Variants in ZNF347 observed in about 807,000 individuals in gnomAD.
The protein encoded by ZNF347 is zinc finger protein 347.
ZNF347 carries 19 observed loss-of-function variants against 12.9 expected under a neutral mutation model. The ratio of observed to expected loss-of-function variants is 1.47; its 90% CI spans 1.03 to 2.16. The LOEUF is 2.16. Ranked by LOEUF, ZNF347 falls within the 30% of genes most tolerant of loss-of-function variation. The pLI is 0.00. For missense variants in ZNF347, 1,005 were observed against 990.6 expected (o/e 1.01, Z -0.19); for synonymous variants, 328 against 340.6 (o/e 0.96, Z 0.41).
At chr19:53,143,179 T>C (rs906431564) in intron 4 of ZNF347, among the ~76,000 whole-genome samples, 14 of 152,240 alleles carry the variant, frequency 9.2e-5, no homozygotes, top group African/African-American at 2.2e-4. Flanking sequence ...TTAGTTGATA[T>C]TGATTTGAGA....
At chr19:53,150,987 G>A (rs144982234) in intron 2 of ZNF347, among the ~76,000 whole-genome samples, 3,732 of 152,256 alleles carry the variant, frequency 0.025, 69 homozygotes, top group Admixed American at 0.044. Flanking sequence ...TGATCCACCC[G>A]CCTTGGCCTC....
intron 1 of ZNF347, among the ~76,000 whole-genome samples, chr19:53,156,054 G>GA (rs2090533180): frequency 8.7e-6 from 1 of 114,706 alleles, no homozygotes; most frequent in African/African-American, 3.1e-5. Flanking sequence ...TCGGGGGGGG[G>GA]GGGGGGTTAG....
chr19:53,149,411 T>G (rs746499103), intron 2 of ZNF347, 44 bp from the exon 3 acceptor site: 1 of 1,611,032 alleles, frequency 6.2e-7, no homozygotes, highest in Non-Finnish European at 8.5e-7. Context: ...AAGGAAAAGC[T>G]CCAATCTTCA....
chr19:53,138,858 C>T lies in ZNF347; in HGVS notation c.*1450G>A, dbSNP rs1310771346. ...CAAAACATTATGTCTGTGACACATT[C>T]TTAATAAAACTGTAGCAAAATGTAA... On this transcript the variant is annotated 3_prime_UTR_variant, in exon 5 of 5. Coordinates refer to ENST00000334197, the MANE Select transcript of ZNF347 (RefSeq NM_032584.3). 6.6e-6 allele frequency: 1 copy of T among 152,044 alleles called. No individual in the cohort carries two copies. Among genetic ancestry groups the T allele is most frequent in the Non-Finnish European group, 1.5e-5 (1 of 68,006 alleles). 9.4% of individuals were successfully genotyped at this position (152,044 alleles called of 1,614,324 possible).
chr19:53,141,129 T>G lies in ZNF347; in HGVS notation c.1699A>C (p.Lys567Gln), dbSNP rs762079938. The G allele has an allele frequency of 6.2e-7, 1 of 1,614,178 alleles. No homozygotes were observed. The highest frequency in any genetic ancestry group is 8.5e-7 in the Non-Finnish European group (1 of 1,180,032). The part of the protein sequence containing the change: ...TTHQVIHTGE[K>Q]PYKCNECGKV... ...CCACACTCATTACATTTGTAAGGTT[T>G]TTCTCCAGTATGGATGACCTGATGG... is the stretch of plus-strand genomic sequence containing the variant. The change falls in exon 5 of 5, where the codon AAA becomes CAA. Residue 567 changes from lysine (K) to glutamine (Q), a missense_variant. Physicochemically the swap from Lys to Gln is moderately conservative, Grantham distance 53. Transcript: ENST00000334197.
chr19:53,141,442 G>A lies in ZNF347; in HGVS notation c.1386C>T (p.Cys462=), dbSNP rs201067829. ...TGEKPYKCHE[C]GKVFRRNSHL... ...GTGAATTACGCCTAAAGACCTTGCC[G>A]CATTCATGACATTTGTAAGGCTTTT... Residue 462 remains cysteine, a synonymous_variant, in exon 5 of 5, where the codon TGC becomes TGT. Transcript: ENST00000334197. 705 of 1,612,236 alleles carry A rather than the reference G, an allele frequency of 4.4e-4. 2 individuals are homozygous for A. Among genetic ancestry groups the A allele is most frequent in the Admixed American group, 1.1e-3 (66 of 59,862 alleles).
chr19:53,155,868 G>A (rs1451440951), intron 1 of ZNF347, among the ~76,000 whole-genome samples: 2 of 152,118 alleles, frequency 1.3e-5, no homozygotes, highest in Admixed American at 6.5e-5. Flanking sequence ...AGAGATCACA[G>A]GTCCTGACAG....
chr19:53,140,477 T>C lies in ZNF347; in HGVS notation c.2351A>G (p.Gln784Arg), dbSNP rs201370943. 1 of 1,613,962 alleles carries C rather than the reference T, an allele frequency of 6.2e-7. No individual in the cohort carries two copies. Among genetic ancestry groups the C allele is most frequent in the South Asian group, 1.1e-5 (1 of 91,070 alleles). Reference protein sequence around the residue: ...FSQTSKLARHQRIHTGEKPYE... With the variant: ...FSQTSKLARHRRIHTGEKPYE... Reference sequence around the variant, plus strand: ...TGGTTTCTCTCCGGTATGAATTCTCTGATGCCTTGCAAGTTTTGAAGTTTG... The same window carrying C: ...TGGTTTCTCTCCGGTATGAATTCTCCGATGCCTTGCAAGTTTTGAAGTTTG... Residue 784 changes from glutamine (Q) to arginine (R), a missense_variant, in exon 5 of 5, where the codon CAG (glutamine) becomes CGG (arginine). By Grantham distance (43) the Gln-to-Arg change is conservative. Transcript: ENST00000334197.
In ZNF347 at chr19:53,153,737, G is replaced by A; in HGVS notation, c.11C>T (p.Thr4Ile). Reference sequence around the variant, plus strand: ...CCACTGATAATATTACCTTACCTGGGTGAGAGCCATGCCTGACTTGTCTTT... The same window carrying A: ...CCACTGATAATATTACCTTACCTGGATGAGAGCCATGCCTGACTTGTCTTT... MAL[T>I]QGQVTFRDVA... Residue 4 changes from threonine to isoleucine, a missense_variant, in exon 2 of 5, where the codon ACC becomes ATC. Coordinates refer to ENST00000334197, the MANE Select transcript of ZNF347 (RefSeq NM_032584.3). 1 of 1,614,006 alleles carries A rather than the reference G, an allele frequency of 6.2e-7. No homozygotes were observed. Among genetic ancestry groups the A allele is most frequent in the Middle Eastern group, 1.6e-4 (1 of 6,062 alleles).
rs1555799250 is a variant in ZNF347 at position 53,138,972 on chromosome 19, T to G, written c.*1336A>C. 2 of 152,198 alleles carry G rather than the reference T, an allele frequency of 1.3e-5. No individual in the cohort carries two copies. The allele number at this position is 152,198 out of a possible 1,614,324, so 9.4% of individuals were successfully genotyped here. ...GTTTTTCTGACCAAGCTCTCCACTC[T>G]AATAACTGTTACCTCTTCAATTTCA... is the stretch of plus-strand genomic sequence containing the variant. On this transcript the variant is annotated 3_prime_UTR_variant, in exon 5 of 5. Transcript: ENST00000334197.
chr19:53,140,622 G>GT lies in ZNF347; in HGVS notation c.2205dup (p.Pro736ThrfsTer6), dbSNP rs747329533. On this transcript the variant is annotated frameshift_variant, in exon 5 of 5. Coordinates refer to ENST00000334197, the MANE Select transcript of ZNF347 (RefSeq NM_032584.3). LOFTEE classifies it low-confidence loss of function (END_TRUNC). Reference sequence around the variant, plus strand: ...TTCCCACACTCATTGCATTTGTAAGGTTTTTTTCCAGTATGGATTGCCTGA... The same window carrying GT: ...TTCCCACACTCATTGCATTTGTAAGGTTTTTTTTCCAGTATGGATTGCCTGA... 3 of 1,613,596 alleles carry GT rather than the reference G, an allele frequency of 1.9e-6. No individual in the cohort carries two copies. Among genetic ancestry groups the GT allele is most frequent in the East Asian group, 2.2e-5 (1 of 44,824 alleles).
At chr19:53,150,123 G>A (rs1382027034) in intron 2 of ZNF347, among the ~76,000 whole-genome samples, 1 of 152,210 alleles carries the variant, frequency 6.6e-6, no homozygotes. Flanking sequence ...GAGACCATCT[G>A]TGTTTGCAAC....
Position 53,139,475 on chromosome 19 carries a change from C to G in ZNF347, c.*833G>C, listed in dbSNP as rs2090405685. ...GATCCATAGTTCAGGTTGAAAGTCACAAACAGTAGCCTTTTTGAGAAACCT... is the reference window on the plus strand; with the variant it reads ...GATCCATAGTTCAGGTTGAAAGTCAGAAACAGTAGCCTTTTTGAGAAACCT... On this transcript the variant is annotated 3_prime_UTR_variant, in exon 5 of 5. Coordinates refer to ENST00000334197, the MANE Select transcript of ZNF347 (RefSeq NM_032584.3). The G allele has an allele frequency of 6.6e-6, 1 of 152,180 alleles. No individual in the cohort carries two copies. Among genetic ancestry groups the G allele is most frequent in the African/African-American group, 2.4e-5 (1 of 41,430 alleles). The allele number at this position is 152,180 out of a possible 1,614,324, so 9.4% of individuals were successfully genotyped here.
chr19:53,153,318 T>A (rs2090510760), intron 2 of ZNF347, among the ~76,000 whole-genome samples: 1 of 152,180 alleles, frequency 6.6e-6, no homozygotes, highest in African/African-American at 2.4e-5. Flanking sequence ...TTCCCCTTAT[T>A]AGCCTTATTT....
chr19:53,146,728 G>A (rs187957771), intron 4 of ZNF347, among the ~76,000 whole-genome samples: 159 of 152,106 alleles, frequency 1.0e-3, no homozygotes, highest in African/African-American at 3.7e-3. Flanking sequence ...AGGACCATTA[G>A]GGACAATTAT....
At chr19:53,158,855 C>T (rs1238571280) in intron 1 of ZNF347, 154 bp downstream of exon 1, 1 of 150,460 alleles carries the variant, frequency 6.6e-6, no homozygotes, top group African/African-American at 2.4e-5. Context: ...CGAAATCGCG[C>T]CATTGCACTC....
chr19:53,153,581 G>A, intron 2 of ZNF347, 152 bp downstream of exon 2: 1 of 1,444,572 alleles, frequency 6.9e-7, no homozygotes, highest in South Asian at 1.2e-5. Context: ...TGGAATCTAA[G>A]TGAGATGAGA....
In ZNF347 at chr19:53,140,714, C is replaced by G. The variant is rs780682738; in HGVS notation, c.2114G>C (p.Gly705Ala). 6.2e-7 allele frequency: 1 copy of G among 1,613,400 alleles called. No individual in the cohort carries two copies. The highest frequency in any genetic ancestry group is 2.2e-5 in the East Asian group (1 of 44,874). The change falls in exon 5 of 5, where the codon GGA (glycine) becomes GCA (alanine). Residue 705 changes from glycine (G) to alanine (A), a missense_variant. Transcript: ENST00000334197. Reference sequence around the variant, plus strand: ...CTGATTACACTCATATGGTTTCTCTCCAGTATGAACTCTCTGATGCCTTGC... The same window carrying G: ...CTGATTACACTCATATGGTTTCTCTGCAGTATGAACTCTCTGATGCCTTGC... Reference protein sequence around the residue: ...KLARHQRVHTGEKPYECNQCG... With the variant: ...KLARHQRVHTAEKPYECNQCG...
chr19:53,140,068 T>A lies in ZNF347; in HGVS notation c.*240A>T, dbSNP rs8103167. 1,069 of 429,344 alleles carry A rather than the reference T, an allele frequency of 2.5e-3. 12 individuals are homozygous for A. Among genetic ancestry groups the A allele is most frequent in the African/African-American group, 0.019 (976 of 50,200 alleles). 26.6% of individuals were successfully genotyped at this position (429,344 alleles called of 1,614,324 possible). ...GGCGCACGCCACCAGGCCTAGCTAA[T>A]TGTGTACTTTTAGTAGAAATGGGGT... On this transcript the variant is annotated 3_prime_UTR_variant, in exon 5 of 5. Coordinates refer to ENST00000334197, the MANE Select transcript of ZNF347 (RefSeq NM_032584.3).
Sources: gnomAD v4.1 joint callset for allele counts (sites outside exome capture counted in the v4.1 genomes callset) on GRCh38, gnomAD v4.1.1 for gene constraint, MANE v1.5 for transcripts, NCBI Gene and HGNC (gene_info 2026-07-23, HGNC 2026-07-21) for gene names.